IFT52: variants seen among roughly 807,000 people sequenced by gnomAD.
IFT52 encodes the protein intraflagellar transport 52, also known as intraflagellar transport protein 52 homolog.
IFT52 carries 44 observed loss-of-function variants against 54.4 expected under a neutral mutation model. The ratio of observed to expected loss-of-function variants is 0.81; its 90% CI spans 0.63 to 1.04. The LOEUF is 1.04. Among genes scored for constraint, IFT52 ranks in the 50% least tolerant of loss-of-function variants. The pLI, the probability that IFT52 is intolerant of heterozygous loss-of-function variation, is 0.00. For synonymous variants in IFT52, 181 were observed against 185.3 expected, an observed-to-expected ratio of 0.98 and a Z score of 0.19; for missense variants, 452 against 523.6, an observed-to-expected ratio of 0.86 and a Z score of 1.33.
chr20:43,620,795 C>G (rs1984234830), intron 8 of IFT52, 62 bp from the exon 9 acceptor site: 1 of 1,195,494 alleles, frequency 8.4e-7, no homozygotes, highest in East Asian at 2.4e-5. Flanking sequence ...TTCTCTAGTC[C>G]TGACCTTCAG....
At chr20:43,640,404 AAGC>A (rs1985836137) in intron 12 of IFT52, among the ~76,000 whole-genome samples, 1 of 152,012 alleles carries the variant, frequency 6.6e-6, no homozygotes, top group Non-Finnish European at 1.5e-5. Flanking sequence ...AGGTTGCAGT[AAGC>A]CAAGATCACG....
Position 43,622,747 on chromosome 20 carries a change from G to T in IFT52, c.769-1144G>T, listed in dbSNP as rs1429362762. 3.6e-5 allele frequency among the ~76,000 whole-genome samples: 4 copies of T among 110,028 alleles called. 1 individual carries two copies. The highest frequency in any genetic ancestry group is 7.4e-5 in the African/African-American group (2 of 26,876). 72.2% of individuals were successfully genotyped at this position (110,028 alleles called of 152,430 possible). On this transcript the variant is annotated intron_variant, in intron 9 of 13. Transcript: ENST00000373030. ...AATATAAATATATACATATTTTTATGTAAATATAAATATATACAAATTGTG... is the reference window on the plus strand; with the variant it reads ...AATATAAATATATACATATTTTTATTTAAATATAAATATATACAAATTGTG...
rs1220589853 is a variant in IFT52, at chr20:43,644,277, G to A, written c.1266+1653G>A. Among the ~76,000 whole-genome samples, 2 of 57,902 alleles carry A rather than the reference G, an allele frequency of 3.5e-5. 1 individual carries two copies. The highest frequency in any genetic ancestry group is 1.0e-4 in the African/African-American group (2 of 19,982). 38.0% of individuals were successfully genotyped at this position (57,902 alleles called of 152,430 possible). A position where few individuals can be genotyped will look rare whatever the true frequency, so the allele number is the denominator to read the frequency against. On this transcript the variant is annotated intron_variant, in intron 13 of 13. Transcript: ENST00000373030. Reference sequence around the variant, plus strand: ...AATAAGTTGGTTCCACTTGTCTGGAGATATTTTTATAATACTGTTGAAAAG... The same window carrying A: ...AATAAGTTGGTTCCACTTGTCTGGAAATATTTTTATAATACTGTTGAAAAG...
intron 6 of IFT52, among the ~76,000 whole-genome samples, chr20:43,608,404 A>T (rs992446151): frequency 6.6e-5 from 10 of 152,210 alleles, no homozygotes; most frequent in South Asian, 6.2e-4. Flanking sequence ...GCATTTTTTT[A>T]AATTATTAGT....
At chr20:43,612,848 CT>C (rs1983564443) in intron 6 of IFT52, among the ~76,000 whole-genome samples, 1 of 152,188 alleles carries the variant, frequency 6.6e-6, no homozygotes, top group Admixed American at 6.5e-5. Context: ...AGTTTCTAAC[CT>C]TACGCCCTGG....
chr20:43,643,182 CA>C (rs1198880831), intron 13 of IFT52, among the ~76,000 whole-genome samples: 5 of 139,026 alleles, frequency 3.6e-5, no homozygotes, highest in African/African-American at 1.1e-4. Context: ...AACAAAAAAA[CA>C]AAACAAAACA....
chr20:43,611,949 G>A (rs1983483235), intron 6 of IFT52, among the ~76,000 whole-genome samples: 1 of 151,926 alleles, frequency 6.6e-6, no homozygotes, highest in Non-Finnish European at 1.5e-5. Context: ...GGAATTGCCT[G>A]AACCCAGGAG....
At chr20:43,594,945 G>T (rs1056249599) in intron 2 of IFT52, 128 bp downstream of exon 2, 24 of 669,178 alleles carry the variant, frequency 3.6e-5, no homozygotes, top group Non-Finnish European at 6.4e-5. Flanking sequence ...AGATTATTCA[G>T]AATTAGGTCT....
At chr20:43,628,413 T>C (rs1984906928) in intron 10 of IFT52, among the ~76,000 whole-genome samples, 1 of 152,274 alleles carries the variant, frequency 6.6e-6, no homozygotes, top group Non-Finnish European at 1.5e-5. Context: ...TTGTTTACGC[T>C]GTAAAGGGAA....
At chr20:43,622,695 A>C (rs1202315320) in intron 9 of IFT52, among the ~76,000 whole-genome samples, 1 of 147,408 alleles carries the variant, frequency 6.8e-6, no homozygotes, top group East Asian at 1.9e-4. Flanking sequence ...TTTTATGTAA[A>C]TATAAATATA....
intron 12 of IFT52, among the ~76,000 whole-genome samples, chr20:43,641,030 C>CA (rs10523117): frequency 2.2e-3 from 203 of 90,240 alleles, no homozygotes; most frequent in South Asian, 2.8e-3. Flanking sequence ...AACCTTGTCT[C>CA]AAAAAAAAAA....
At chr20:43,607,235 G>A (rs1296010055) in intron 6 of IFT52, among the ~76,000 whole-genome samples, 1 of 144,808 alleles carries the variant, frequency 6.9e-6, no homozygotes, top group African/African-American at 2.8e-5. Flanking sequence ...CCTCCCTCCC[G>A]GACGGGGCGG....
intron 7 of IFT52, among the ~76,000 whole-genome samples, chr20:43,616,547 C>T (rs1274317658): frequency 2.7e-5 from 4 of 148,324 alleles, no homozygotes; most frequent in Admixed American, 1.4e-4. Context: ...AGAAATGTTA[C>T]AATAATTGTA....
chr20:43,634,883 G>A (rs892436414), intron 10 of IFT52, among the ~76,000 whole-genome samples: 10 of 152,050 alleles, frequency 6.6e-5, no homozygotes, highest in African/African-American at 1.2e-4. Context: ...ATAAGGACAT[G>A]TAGTAGGCTG....
intron 3 of IFT52, among the ~76,000 whole-genome samples, chr20:43,602,219 C>T (rs924681026): frequency 6.6e-6 from 1 of 151,622 alleles, no homozygotes; most frequent in African/African-American, 2.4e-5. Context: ...GGCTGGAGTG[C>T]ATTGGCGCAT....
chr20:43,592,115 G>C (rs988643304), intron 1 of IFT52, among the ~76,000 whole-genome samples: 2 of 152,142 alleles, frequency 1.3e-5, no homozygotes, highest in African/African-American at 2.4e-5. Flanking sequence ...AGCACTTTGG[G>C]AGGCCAAAGC....
chr20:43,615,396 G>A (rs1983782185), intron 7 of IFT52, among the ~76,000 whole-genome samples: 1 of 152,116 alleles, frequency 6.6e-6, no homozygotes, highest in Non-Finnish European at 1.5e-5. Flanking sequence ...TGCCCCCTAA[G>A]ACAGAATTCA....
Position 43,605,439 on chromosome 20 carries a change from C to T in IFT52, c.485+366C>T, listed in dbSNP as rs191008384. 5.2e-3 allele frequency among the ~76,000 whole-genome samples: 796 copies of T among 152,202 alleles called. 2 individuals carry two copies. Among genetic ancestry groups the T allele is most frequent in the African/African-American group, 0.018 (731 of 41,532 alleles). On this transcript the variant is annotated intron_variant, in intron 6 of 13. Transcript: ENST00000373030. Reference sequence around the variant, plus strand: ...GTGTGCACCTGTAGTCCCAGCTACTCGGGAGGCTGAGACAGGAGAACTGTT... The same window carrying T: ...GTGTGCACCTGTAGTCCCAGCTACTTGGGAGGCTGAGACAGGAGAACTGTT...
At chr20:43,606,648 G>C (rs1465813553) in intron 6 of IFT52, among the ~76,000 whole-genome samples, 1 of 151,836 alleles carries the variant, frequency 6.6e-6, no homozygotes, top group African/African-American at 2.4e-5. Flanking sequence ...GGATTTGGCA[G>C]GGTCATAGGA....
Sources: allele counts gnomAD v4.1 joint callset (sites outside exome capture counted in the v4.1 genomes callset), GRCh38; gene constraint gnomAD v4.1.1; transcripts MANE v1.5; gene names NCBI Gene and HGNC (gene_info 2026-07-23, HGNC 2026-07-21).